The following LRRC18 variants were observed in gnomAD, a reference collection of about 807,000 sequenced individuals.
The protein encoded by LRRC18 is leucine rich repeat containing 18.
In LRRC18, 12 loss-of-function variants were observed where a neutral mutation model predicts 11.2. The ratio of observed to expected loss-of-function variants is 1.07; its 90% CI spans 0.69 to 1.74. The LOEUF (loss-of-function observed/expected upper bound fraction) is 1.74. LRRC18 is among the 40% of genes most tolerant of loss of function. LRRC18 has a pLI of 0.00. For missense variants in LRRC18, 374 were observed against 330.5 expected, an observed-to-expected ratio of 1.13 and a Z score of -1.02; for synonymous variants, 155 against 130.6, an observed-to-expected ratio of 1.19 and a Z score of -1.27.
the LRRC18 span, among the ~76,000 whole-genome samples, chr10:48,936,127 A>G: frequency 7.8e-4 from 119 of 152,318 alleles, no homozygotes; most frequent in African/African-American, 2.8e-3. Context: ...TTTCAAATCC[A>G]AAATTAAATT....
chr10:48,935,597 C>T, the LRRC18 span, among the ~76,000 whole-genome samples: 3 of 152,150 alleles, frequency 2.0e-5, no homozygotes, highest in East Asian at 3.8e-4. Context: ...TTTTTCTGCT[C>T]TTTGGTTTTT....
upstream of LRRC18, among the ~76,000 whole-genome samples, chr10:48,917,879 G>A (rs775912669): frequency 1.4e-4 from 21 of 152,236 alleles, no homozygotes; most frequent in African/African-American, 2.2e-4. Context: ...GTATGTGATC[G>A]AAAGAAAACT....
chr10:48,926,463 A>G, the LRRC18 span, among the ~76,000 whole-genome samples: 10,996 of 152,278 alleles, frequency 0.072, 593 homozygotes, highest in South Asian at 0.19. Flanking sequence ...GCAGCCAGCC[A>G]ACGCAACAGA....
chr10:48,939,120 T>C, the LRRC18 span, among the ~76,000 whole-genome samples: 1 of 152,150 alleles, frequency 6.6e-6, no homozygotes, highest in African/African-American at 2.4e-5. Context: ...GGTGCCCAGG[T>C]TCCCAGGTTG....
exon 1 of LRRC18, chr10:48,913,419 A>G: frequency 6.2e-7 from 1 of 1,611,466 alleles, no homozygotes; most frequent in Non-Finnish European, 8.5e-7. Context: ...GTCCTTGGCC[A>G]TGGAATTGGG....
At chr10:48,915,495 C>T (rs1261624731), upstream of LRRC18, among the ~76,000 whole-genome samples, 2 of 151,938 alleles carry the variant, frequency 1.3e-5, no homozygotes, top group Non-Finnish European at 2.9e-5. Context: ...TGCCTCTGTT[C>T]CCTGCAGGGA....
the LRRC18 span, among the ~76,000 whole-genome samples, chr10:48,928,353 C>CGTGTGTGTGTGTGT: frequency 2.5e-3 from 315 of 125,030 alleles, 9 homozygotes; most frequent in East Asian, 4.1e-3. Context: ...TTGGTTTTGA[C>CGTGTGTGTGTGTGT]GTGTGTGTGT....
chr10:48,934,981 G>A, the LRRC18 span, among the ~76,000 whole-genome samples: 4 of 152,294 alleles, frequency 2.6e-5, 1 homozygote, highest in Admixed American at 2.0e-4. Flanking sequence ...TGGGGCTCAG[G>A]CAAGCTTCCT....
At chr10:48,923,506 A>ATATATATATATATGTATG in the LRRC18 span, among the ~76,000 whole-genome samples, 35,523 of 115,048 alleles carry the variant, frequency 0.31, 8,583 homozygotes, top group East Asian at 0.78. Context: ...GTATATATAT[A>ATATATATATATATGTATG]TATATATGTC....
chr10:48,921,161 AAAATAATTTTG>A, the LRRC18 span, among the ~76,000 whole-genome samples: 1 of 152,218 alleles, frequency 6.6e-6, no homozygotes, highest in African/African-American at 2.4e-5. Context: ...CTAGGAATGG[AAAATAATTTTG>A]AAAAAGAATA....
chr10:48,923,496 G>GATATATATATATATATATATATATA, the LRRC18 span, among the ~76,000 whole-genome samples: 1 of 63,214 alleles, frequency 1.6e-5, no homozygotes, highest in Admixed American at 2.2e-4. Flanking sequence ...ATAGTTTTTA[G>GATATATATATATATATATATATATA]TATATATATA....
At chr10:48,938,518 G>A in the LRRC18 span, among the ~76,000 whole-genome samples, 1 of 152,352 alleles carries the variant, frequency 6.6e-6, no homozygotes, top group South Asian at 2.1e-4. Context: ...CATGCCTCTG[G>A]CTCCTTCCTC....
chr10:48,923,738 A>C, the LRRC18 span, among the ~76,000 whole-genome samples: 239 of 152,166 alleles, frequency 1.6e-3, 1 homozygote, highest in Middle Eastern at 0.014. Flanking sequence ...AAATAGTTCA[A>C]ATCTAGATTC....
chr10:48,920,117 TA>T, the LRRC18 span, among the ~76,000 whole-genome samples: 1 of 132,470 alleles, frequency 7.5e-6, no homozygotes, highest in African/African-American at 2.7e-5. Flanking sequence ...ATTAACAGAC[TA>T]AAAAGAAAAA....
chr10:48,925,556 T>G, the LRRC18 span, among the ~76,000 whole-genome samples: 1 of 152,182 alleles, frequency 6.6e-6, no homozygotes, highest in African/African-American at 2.4e-5. Context: ...AAACATAAAG[T>G]GTTTTCATTT....
chr10:48,929,203 G>A, the LRRC18 span, among the ~76,000 whole-genome samples: 2 of 152,128 alleles, frequency 1.3e-5, no homozygotes, highest in African/African-American at 4.8e-5. Context: ...GCAGAGAGGA[G>A]GGGATGGACA....
At chr10:48,914,199 G>A (rs753788763) in exon 1 of LRRC18, 19 of 1,570,384 alleles carry the variant, frequency 1.2e-5, no homozygotes, top group Admixed American at 1.8e-5. Context: ...GTTCTGATTG[G>A]ATAGTGATCA....
the LRRC18 span, among the ~76,000 whole-genome samples, chr10:48,933,969 T>C: frequency 6.6e-6 from 1 of 152,066 alleles, no homozygotes. Flanking sequence ...AACAAACCGG[T>C]CTGCAGACAA....
chr10:48,917,509 G>T (rs773383507), upstream of LRRC18, among the ~76,000 whole-genome samples: 3 of 152,168 alleles, frequency 2.0e-5, no homozygotes, highest in Non-Finnish European at 4.4e-5. Context: ...GAACAATGAC[G>T]TATCACCCAC....
Sources: gnomAD v4.1 joint callset for allele counts (sites outside exome capture counted in the v4.1 genomes callset) on GRCh38, gnomAD v4.1.1 for gene constraint, MANE v1.5 for transcripts, NCBI Gene and HGNC (gene_info 2026-07-23, HGNC 2026-07-21) for gene names.